PALLD: variants seen among roughly 807,000 people sequenced by gnomAD.
PALLD encodes palladin, cytoskeletal associated protein, also known as palladin.
In PALLD, 61 loss-of-function variants were observed where a neutral mutation model predicts 123.5. That is an observed-to-expected ratio of 0.49 (90% confidence interval 0.40 to 0.61). The LOEUF (loss-of-function observed/expected upper bound fraction) is 0.61, where lower values mean the gene tolerates loss of function less well. PALLD is among the 20% of genes least tolerant of loss of function. The pLI is 0.00. For missense variants in PALLD, 1,273 were observed against 1,377.0 expected, an observed-to-expected ratio of 0.92 and a Z score of 1.20; for synonymous variants, 465 against 496.4, an observed-to-expected ratio of 0.94 and a Z score of 0.84.
chr4:168,722,782 A>G (rs1786150021), intron 10 of PALLD, among the ~76,000 whole-genome samples: 2 of 152,216 alleles, frequency 1.3e-5, no homozygotes, highest in African/African-American at 4.8e-5. Flanking sequence ...GTACTGGCAC[A>G]GTGGGATGTT....
intron 10 of PALLD, among the ~76,000 whole-genome samples, chr4:168,741,790 C>T (rs1788374653): frequency 6.6e-6 from 1 of 152,208 alleles, no homozygotes; most frequent in Non-Finnish European, 1.5e-5. Flanking sequence ...AGTGCCTCTT[C>T]TGATGAGGCT....
Position 168,926,538 on chromosome 4 carries a change from CA to C in PALLD, c.*361del, listed in dbSNP as rs1762604204. 8.5e-6 allele frequency: 5 copies of C among 590,216 alleles called. No individual in the cohort carries two copies. Among genetic ancestry groups the C allele is most frequent in the Non-Finnish European group, 1.5e-5 (5 of 344,356 alleles). 36.6% of individuals were successfully genotyped at this position (590,216 alleles called of 1,614,324 possible). A position where few individuals can be genotyped will look rare whatever the true frequency, so the allele number is the denominator to read the frequency against. ...ATAATATTTTTCTTACTTGATATAC[CA>C]AACTTAGTTTAAGTAGATAATGCTA... On this transcript the variant is annotated 3_prime_UTR_variant, in exon 22 of 22. Transcript: ENST00000505667.
intron 10 of PALLD, among the ~76,000 whole-genome samples, chr4:168,882,704 G>C (rs1752773914): frequency 6.6e-6 from 1 of 152,054 alleles, no homozygotes; most frequent in East Asian, 1.9e-4. Flanking sequence ...TCCAATCCTG[G>C]ACAAGTATTT....
At chr4:168,639,339 ATTG>A (rs1776663669) in intron 2 of PALLD, among the ~76,000 whole-genome samples, 1 of 152,132 alleles carries the variant, frequency 6.6e-6, no homozygotes, top group Non-Finnish European at 1.5e-5. Context: ...TGCAGTCAGT[ATTG>A]TTGTCAAAAT....
intron 2 of PALLD, among the ~76,000 whole-genome samples, chr4:168,609,345 C>CAAAAAAAA (rs5863949): frequency 7.0e-5 from 5 of 71,598 alleles, no homozygotes; most frequent in African/African-American, 1.7e-4. Flanking sequence ...AAGCTGTTAC[C>CAAAAAAAA]AAAAAAAAAA....
chr4:168,577,374 T>C (rs1769733747), intron 2 of PALLD, among the ~76,000 whole-genome samples: 1 of 152,142 alleles, frequency 6.6e-6, no homozygotes, highest in Admixed American at 6.6e-5. Context: ...TATGGAAATA[T>C]AGAGTCCTTC....
intron 8 of PALLD, among the ~76,000 whole-genome samples, chr4:168,704,210 T>C (rs111391337): frequency 0.17 from 26,391 of 151,352 alleles, 2,893 homozygotes; most frequent in East Asian, 0.32. Flanking sequence ...ATCCCTTCCT[T>C]ACACCTTATA....
In PALLD at chr4:168,748,623, G is replaced by A. The variant is rs573556244; in HGVS notation, c.1964+36700G>A. ...GGTCCTCTGCTTTGAGTCTCACAAG[G>A]CTGCAATCAAGGTGTCACTCAGGCT... On this transcript the variant is annotated intron_variant, in intron 10 of 21. Transcript: ENST00000505667. 8.5e-5 allele frequency among the ~76,000 whole-genome samples: 13 copies of A among 152,314 alleles called. 1 individual carries two copies. The East Asian group carries it at 2.3e-3, about 27-fold the overall frequency.
chr4:168,500,191 G>A (rs1761250962), intron 1 of PALLD, among the ~76,000 whole-genome samples: 1 of 152,196 alleles, frequency 6.6e-6, no homozygotes, highest in Non-Finnish European at 1.5e-5. Flanking sequence ...AAGCTGTTAT[G>A]TAGGAACAAC....
At chr4:168,599,296 A>G (rs1158195991) in intron 2 of PALLD, among the ~76,000 whole-genome samples, 1 of 152,236 alleles carries the variant, frequency 6.6e-6, no homozygotes, top group African/African-American at 2.4e-5. Context: ...TTTGAGGTTC[A>G]CAATAAATTG....
intron 10 of PALLD, among the ~76,000 whole-genome samples, chr4:168,787,772 C>T (rs1736953287): frequency 6.6e-6 from 1 of 152,184 alleles, no homozygotes; most frequent in African/African-American, 2.4e-5. Flanking sequence ...TTTTATTCCT[C>T]CTTTCCCTAA....
intron 10 of PALLD, among the ~76,000 whole-genome samples, chr4:168,764,619 C>G (rs773764419): frequency 6.6e-6 from 1 of 152,056 alleles, no homozygotes; most frequent in Non-Finnish European, 1.5e-5. Flanking sequence ...GAAAAAATCC[C>G]TCTCAGTATG....
chr4:168,876,341 T>C (rs1751749072), intron 10 of PALLD, among the ~76,000 whole-genome samples: 1 of 152,196 alleles, frequency 6.6e-6, no homozygotes, highest in Non-Finnish European at 1.5e-5. Context: ...CACACAGACA[T>C]CTGGAACTTC....
intron 10 of PALLD, among the ~76,000 whole-genome samples, chr4:168,856,556 T>C (rs1048288917): frequency 6.6e-6 from 1 of 152,222 alleles, no homozygotes; most frequent in Non-Finnish European, 1.5e-5. Context: ...TGTGAGATGG[T>C]ATCTCATCGT....
chr4:168,826,591 CA>C lies in PALLD; in HGVS notation c.1965-64328del, dbSNP rs1267153039. Among the ~76,000 whole-genome samples the C allele has an allele frequency of 2.6e-5, 4 of 152,200 alleles. No individual in the cohort carries two copies. The East Asian group carries it at 7.7e-4, about 29-fold the overall frequency. ...TGACATGATTGGCATAATGCCAGCC[CA>C]AAGTAAAGTTCAGATTATTTTTTTT... On this transcript the variant is annotated intron_variant, in intron 10 of 21. Coordinates refer to ENST00000505667, the MANE Select transcript of PALLD (RefSeq NM_001166108.2).
chr4:168,820,421 A>G (rs749195568), intron 10 of PALLD, among the ~76,000 whole-genome samples: 16 of 152,370 alleles, frequency 1.1e-4, no homozygotes, highest in Non-Finnish European at 1.8e-4. Context: ...CTATGAAGGC[A>G]AGAATGTTTA....
intron 2 of PALLD, among the ~76,000 whole-genome samples, chr4:168,540,570 GTT>G (rs1371669473): frequency 1.3e-5 from 2 of 151,916 alleles, no homozygotes; most frequent in East Asian, 3.9e-4. Context: ...TTTTAAATGA[GTT>G]TCAGTTTGCG....
At chr4:168,565,778 TA>T (rs1307586847) in intron 2 of PALLD, among the ~76,000 whole-genome samples, 1 of 152,174 alleles carries the variant, frequency 6.6e-6, no homozygotes, top group Non-Finnish European at 1.5e-5. Flanking sequence ...GAAGAGCTCA[TA>T]AAAAAGAATC....
chr4:168,717,826 C>G (rs1009121758), intron 10 of PALLD, among the ~76,000 whole-genome samples: 1 of 152,118 alleles, frequency 6.6e-6, no homozygotes, highest in African/African-American at 2.4e-5. Context: ...AAAGTTTGTC[C>G]AAGTTACTTA....
Sources: gnomAD v4.1 joint callset for allele counts (sites outside exome capture counted in the v4.1 genomes callset) on GRCh38, gnomAD v4.1.1 for gene constraint, MANE v1.5 for transcripts, NCBI Gene and HGNC (gene_info 2026-07-23, HGNC 2026-07-21) for gene names.